MAD1L1: variants seen among roughly 807,000 people sequenced by gnomAD.
MAD1L1 encodes mitotic spindle assembly checkpoint protein MAD1.
In MAD1L1, 95 loss-of-function variants were observed where a neutral mutation model predicts 96.9. That is an observed-to-expected ratio of 0.98 (90% CI 0.83 to 1.16). The LOEUF (loss-of-function observed/expected upper bound fraction) is 1.16, where lower values mean the gene tolerates loss of function less well. Ranked by LOEUF, MAD1L1 falls within the 50% of genes most tolerant of loss-of-function variation. The pLI is 0.00. For synonymous variants in MAD1L1, 473 were observed against 396.6 expected (o/e 1.19, Z -2.29); for missense variants, 1,007 against 954.4 (o/e 1.06, Z -0.73).
chr7:2,044,968 T>C (rs1783856225), intron 12 of MAD1L1, among the ~76,000 whole-genome samples: 1 of 152,138 alleles, frequency 6.6e-6, no homozygotes. Context: ...TTCTCCGCAC[T>C]TCACAGAGGA....
At chr7:1,948,250 C>T (rs1382361123) in intron 16 of MAD1L1, among the ~76,000 whole-genome samples, 1 of 152,188 alleles carries the variant, frequency 6.6e-6, no homozygotes, top group Non-Finnish European at 1.5e-5. Flanking sequence ...AAGGCGTCCA[C>T]GGCAAAGCCA....
chr7:2,197,313 TGA>T, intron 10 of MAD1L1, among the ~76,000 whole-genome samples: 1 of 152,270 alleles, frequency 6.6e-6, no homozygotes, highest in South Asian at 2.1e-4. Context: ...CGGCTAGATC[TGA>T]GAGGACTGGA....
At chr7:2,030,155 C>T (rs1277527902) in intron 12 of MAD1L1, among the ~76,000 whole-genome samples, 2 of 152,190 alleles carry the variant, frequency 1.3e-5, no homozygotes, top group South Asian at 2.1e-4. Flanking sequence ...GCCCCAGAAA[C>T]GCGGAACCCA....
chr7:2,077,055 G>A (rs3778940), intron 11 of MAD1L1, among the ~76,000 whole-genome samples: 6,853 of 144,648 alleles, frequency 0.047, 262 homozygotes, highest in African/African-American at 0.1. Context: ...TGGTGAGCCC[G>A]CGGCATGGTG....
chr7:2,081,215 G>T (rs1020411406), intron 11 of MAD1L1, among the ~76,000 whole-genome samples: 1 of 152,152 alleles, frequency 6.6e-6, no homozygotes, highest in African/African-American at 2.4e-5. Context: ...GAGGTGGGGA[G>T]GCTCTGAGCC....
chr7:1,934,476 C>T lies in MAD1L1; in HGVS notation c.1807+2211G>A, dbSNP rs10267825. The stretch of plus-strand genomic sequence containing the variant: ...CCCAGATAACAGGTGAACAAACACA[C>T]GAGCGAACCCTAGACAGGCAGAGAC... On this transcript the variant is annotated intron_variant, in intron 17 of 18. Coordinates refer to ENST00000265854, the MANE Select transcript of MAD1L1 (RefSeq NM_001013836.2). Among the ~76,000 whole-genome samples, 646 of 150,608 alleles carry T rather than the reference C, an allele frequency of 4.3e-3. 8 individuals are homozygous for T. Among genetic ancestry groups the T allele is most frequent in the African/African-American group, 0.015 (594 of 40,872 alleles).
chr7:2,144,069 A>G (rs1272117430), intron 11 of MAD1L1, among the ~76,000 whole-genome samples: 1 of 152,206 alleles, frequency 6.6e-6, no homozygotes, highest in African/African-American at 2.4e-5. Flanking sequence ...CGTGTCCCAC[A>G]GGGACCCAGG....
chr7:2,045,013 C>A (rs1783858538), intron 12 of MAD1L1, among the ~76,000 whole-genome samples: 1 of 152,212 alleles, frequency 6.6e-6, no homozygotes, highest in Admixed American at 6.5e-5. Flanking sequence ...ACGCCCAAGC[C>A]ACACGGCCGC....
chr7:1,874,867 C>T (rs184943062), intron 18 of MAD1L1, among the ~76,000 whole-genome samples: 171 of 152,184 alleles, frequency 1.1e-3, no homozygotes, highest in African/African-American at 3.4e-3. Context: ...CAGAGGCCTC[C>T]GGCTCTGCAG....
intron 15 of MAD1L1, among the ~76,000 whole-genome samples, chr7:1,974,270 G>A (rs906720987): frequency 3.3e-5 from 5 of 152,176 alleles, no homozygotes; most frequent in African/African-American, 9.7e-5. Context: ...CGGATTCCTC[G>A]GAGAAGCACA....
rs142965785 is a variant in MAD1L1 at position 1,845,072 on chromosome 7, C to T, written c.1999-28844G>A. The stretch of plus-strand genomic sequence containing the variant: ...GGCCCCACCTGGCGGGCGCGGGAGG[C>T]AGGCCCTGACTGCAGCGGGGAGAGC... On this transcript the variant is annotated intron_variant, in intron 18 of 18. Coordinates refer to ENST00000265854, the MANE Select transcript of MAD1L1 (RefSeq NM_001013836.2). Among the ~76,000 whole-genome samples the T allele has an allele frequency of 4.1e-3, 628 of 152,354 alleles. 2 individuals are homozygous for T. The highest frequency in any genetic ancestry group is 6.1e-3 in the Non-Finnish European group (418 of 68,022).
chr7:2,212,928 G>GC (rs1400917046), intron 10 of MAD1L1, among the ~76,000 whole-genome samples: 35 of 152,180 alleles, frequency 2.3e-4, no homozygotes, highest in African/African-American at 7.7e-4. Context: ...CTTTCACAAA[G>GC]CCCCGCAACG....
intron 17 of MAD1L1, among the ~76,000 whole-genome samples, chr7:1,910,693 T>C (rs1034715641): frequency 8.5e-5 from 13 of 152,346 alleles, no homozygotes; most frequent in African/African-American, 3.1e-4. Flanking sequence ...CTCTTCCACC[T>C]GGAACACGTT....
chr7:2,161,243 A>AT (rs1790102962), intron 10 of MAD1L1, among the ~76,000 whole-genome samples: 1 of 151,382 alleles, frequency 6.6e-6, no homozygotes. Context: ...AGTGCCTGAG[A>AT]TTGCAGGCGC....
At chr7:1,952,308 T>C (rs1779534207) in intron 16 of MAD1L1, among the ~76,000 whole-genome samples, 2 of 152,338 alleles carry the variant, frequency 1.3e-5, no homozygotes, top group South Asian at 4.1e-4. Context: ...TGCGGCCGAC[T>C]CAGCCTCCCC....
intron 11 of MAD1L1, among the ~76,000 whole-genome samples, chr7:2,071,659 G>A (rs1785134223): frequency 1.3e-5 from 2 of 152,112 alleles, no homozygotes; most frequent in Admixed American, 6.5e-5. Flanking sequence ...AAGGCTGAGT[G>A]GTTCACCAAT....
At chr7:2,124,206 G>A (rs1392532885) in intron 11 of MAD1L1, among the ~76,000 whole-genome samples, 6 of 152,224 alleles carry the variant, frequency 3.9e-5, no homozygotes, top group African/African-American at 1.4e-4. Context: ...CCATCGGGCA[G>A]CGGTGCAGGA....
chr7:2,077,217 C>A (rs187893732), intron 11 of MAD1L1, among the ~76,000 whole-genome samples: 117 of 152,222 alleles, frequency 7.7e-4, no homozygotes, highest in African/African-American at 2.3e-3. Flanking sequence ...TCAGTGATGA[C>A]GTCTGGCATG....
At chr7:1,884,453 G>A (rs1785885259) in intron 18 of MAD1L1, among the ~76,000 whole-genome samples, 1 of 152,230 alleles carries the variant, frequency 6.6e-6, no homozygotes, top group Non-Finnish European at 1.5e-5. Context: ...ATGCTCTTGA[G>A]GAGCAACGTT....
Sources: allele counts gnomAD v4.1 joint callset (sites outside exome capture counted in the v4.1 genomes callset), GRCh38; gene constraint gnomAD v4.1.1; transcripts MANE v1.5; gene names NCBI Gene and HGNC (gene_info 2026-07-23, HGNC 2026-07-21).